RUNX1: variants seen among roughly 807,000 people sequenced by gnomAD.
RUNX1 encodes runt-related transcription factor 1.
Under a neutral mutation model 42.8 loss-of-function variants are expected in RUNX1, and 19 were observed. The ratio of observed to expected loss-of-function variants is 0.44; its 90% CI spans 0.31 to 0.65. The LOEUF is 0.65. Ranked by LOEUF, RUNX1 falls within the 30% of genes least tolerant of loss-of-function variation. The pLI is 0.07. For missense variants in RUNX1, 528 were observed against 672.0 expected (o/e 0.79, Z 2.37); for synonymous variants, 271 against 289.4 (o/e 0.94, Z 0.64).
Position 34,863,550 on chromosome 21 carries a change from C to CTTT in RUNX1, c.509-3975_509-3973dup, listed in dbSNP as rs34743281. 5.2e-3 allele frequency among the ~76,000 whole-genome samples: 562 copies of CTTT among 109,068 alleles called. 9 individuals carry two copies. The highest frequency in any genetic ancestry group is 9.3e-3 in the African/African-American group (245 of 26,428). The allele number at this position is 109,068 out of a possible 152,430, so 71.6% of individuals were successfully genotyped here. A position where few individuals can be genotyped will look rare whatever the true frequency, so the allele number is the denominator to read the frequency against. The stretch of plus-strand genomic sequence containing the variant: ...TGAATTCTCATTATTTCATGCCCAT[C>CTTT]TTTTTTTTTTTTTTTTTTTTTTGAG... On this transcript the variant is annotated intron_variant, in intron 5 of 8. Coordinates refer to ENST00000675419, the MANE Select transcript of RUNX1 (RefSeq NM_001754.5).
At chr21:34,853,814 C>CTT (rs1156576935) in intron 6 of RUNX1, among the ~76,000 whole-genome samples, 1 of 104,510 alleles carries the variant, frequency 9.6e-6, no homozygotes. Flanking sequence ...TTCCTTCCTT[C>CTT]ATTTTTTTTT....
chr21:34,838,506 T>C (rs1274846294), intron 6 of RUNX1, among the ~76,000 whole-genome samples: 2 of 152,240 alleles, frequency 1.3e-5, no homozygotes, highest in Non-Finnish European at 2.9e-5. Context: ...TGTATATACA[T>C]GTATAAAATT....
In RUNX1 at chr21:34,880,581, T is replaced by C. The variant is rs1057519751; in HGVS notation, c.484A>G (p.Arg162Gly). Reference sequence around the variant, plus strand: ...CCTCTTCCACTTCGACCGACAAACCTGAGGTCATTAAATCTTGCAACCTGG... The same window carrying C: ...CCTCTTCCACTTCGACCGACAAACCCGAGGTCATTAAATCTTGCAACCTGG... ...KNQVARFNDL[R>G]FVGRSGRGKS... The change falls in exon 5 of 9, where the codon AGG (arginine) becomes GGG (glycine). Residue 162 changes from arginine to glycine, a missense_variant. Arg to Gly is a moderately radical substitution (Grantham distance 125). Around this residue, in one of 3 missense-constraint regions of RUNX1, gnomAD observed 83 missense variants for 174.5 expected, o/e 0.48. Transcript: ENST00000675419. The C allele has an allele frequency of 6.2e-7, 1 of 1,614,134 alleles. No individual in the cohort carries two copies. Among genetic ancestry groups the C allele is most frequent in the Non-Finnish European group, 8.5e-7 (1 of 1,179,984 alleles).
At chr21:34,859,637 T>A in intron 5 of RUNX1, 59 bp from the exon 6 acceptor site, 1 of 1,269,450 alleles carries the variant, frequency 7.9e-7, no homozygotes, top group Non-Finnish European at 1.2e-6. Flanking sequence ...ACATATCTGT[T>A]GAATAACCAA....
intron 7 of RUNX1, among the ~76,000 whole-genome samples, chr21:34,801,452 C>T (rs1340677734): frequency 6.6e-6 from 1 of 152,230 alleles, no homozygotes; most frequent in African/African-American, 2.4e-5. Flanking sequence ...CATAATATTT[C>T]ACAGCCTTTA....
chr21:35,033,384 C>T (rs1421457827), intron 2 of RUNX1, among the ~76,000 whole-genome samples: 1 of 152,164 alleles, frequency 6.6e-6, no homozygotes, highest in Non-Finnish European at 1.5e-5. Flanking sequence ...AATGAGCATC[C>T]TAGAAGACAT....
At chr21:34,951,847 T>C (rs1266065174) in intron 2 of RUNX1, among the ~76,000 whole-genome samples, 2 of 152,136 alleles carry the variant, frequency 1.3e-5, no homozygotes, top group African/African-American at 4.8e-5. Context: ...GAACTAGAAA[T>C]ACCATTTGAC....
chr21:34,830,636 A>G (rs2057050632), intron 7 of RUNX1, among the ~76,000 whole-genome samples: 1 of 152,198 alleles, frequency 6.6e-6, no homozygotes, highest in African/African-American at 2.4e-5. Flanking sequence ...CTTTGTAGCA[A>G]GGAAGGTCTG....
chr21:34,823,181 A>C (rs1212728752), intron 7 of RUNX1, among the ~76,000 whole-genome samples: 2 of 152,242 alleles, frequency 1.3e-5, no homozygotes, highest in African/African-American at 2.4e-5. Flanking sequence ...GCGCTGACTC[A>C]GCGAGGGCCT....
At chr21:34,859,919 A>G (rs1223964839) in intron 5 of RUNX1, among the ~76,000 whole-genome samples, 3 of 152,250 alleles carry the variant, frequency 2.0e-5, no homozygotes, top group African/African-American at 7.2e-5. Flanking sequence ...CCCTGCTCCC[A>G]TCTTTCCCAA....
chr21:34,936,072 A>G (rs2058482514), intron 2 of RUNX1, among the ~76,000 whole-genome samples: 2 of 152,160 alleles, frequency 1.3e-5, no homozygotes, highest in South Asian at 4.1e-4. Flanking sequence ...GCGGGATAAA[A>G]AGCCAGGAGA....
chr21:34,849,267 T>TTA (rs1555892611), intron 6 of RUNX1, among the ~76,000 whole-genome samples: 1 of 70,572 alleles, frequency 1.4e-5, no homozygotes, highest in East Asian at 4.3e-4. Flanking sequence ...TATATATATA[T>TTA]AATATATATA....
chr21:34,918,252 C>A (rs1301564316), intron 2 of RUNX1, among the ~76,000 whole-genome samples: 1 of 151,908 alleles, frequency 6.6e-6, no homozygotes, highest in Non-Finnish European at 1.5e-5. Context: ...TGGGGGTGCT[C>A]ATGAGATGAG....
At chr21:34,938,876 G>A (rs943942814) in intron 2 of RUNX1, among the ~76,000 whole-genome samples, 4 of 152,106 alleles carry the variant, frequency 2.6e-5, no homozygotes, top group Admixed American at 6.6e-5. Context: ...TAATCTGATG[G>A]TAAAATGTGA....
At position 34,834,482 on chromosome 21, in the gene RUNX1, G is replaced by A. The variant is rs1393294594; in HGVS notation, c.733C>T (p.Pro245Ser). Residue 245 changes from proline to serine, a missense_variant, in exon 7 of 9, where the codon CCC becomes TCC. Around this residue, in one of 3 missense-constraint regions of RUNX1, gnomAD observed 331 missense variants for 382.5 expected, o/e 0.87. Coordinates refer to ENST00000675419, the MANE Select transcript of RUNX1 (RefSeq NM_001754.5). ...AGGGAGGCACGAGGGTTGGGCGTGG[G>A]GGCTGGGTGGTGTGGGCTGACCCTC... is the stretch of plus-strand genomic sequence containing the variant. ...AMRVSPHHPA[P>S]TPNPRASLNH... 4.3e-6 allele frequency: 7 copies of A among 1,613,324 alleles called. No individual in the cohort carries two copies. The highest frequency in any genetic ancestry group is 5.9e-6 in the Non-Finnish European group (7 of 1,179,720).
chr21:34,944,525 T>C (rs926468962), intron 2 of RUNX1, among the ~76,000 whole-genome samples: 1 of 152,204 alleles, frequency 6.6e-6, no homozygotes, highest in Admixed American at 6.5e-5. Context: ...GGTTAAATAT[T>C]GTATTGCTTT....
At chr21:34,849,537 G>T (rs2057387195) in intron 6 of RUNX1, among the ~76,000 whole-genome samples, 1 of 121,784 alleles carries the variant, frequency 8.2e-6, no homozygotes, top group Admixed American at 1.1e-4. Context: ...CAGAATATTT[G>T]GCTATTCATG....
At position 35,045,539 on chromosome 21, in the gene RUNX1, G is replaced by GGGAT. The variant is rs1440055995; in HGVS notation, c.58+3299_58+3302dup. Among the ~76,000 whole-genome samples the GGGAT allele has an allele frequency of 1.1e-4, 16 of 152,194 alleles. No homozygotes were observed. In the South Asian group the frequency reaches 3.3e-3, roughly 32 times the overall value. Reference sequence around the variant, plus strand: ...AGATTAGGATACAGACACACACAGAGGGATAACCATGTGATGAAACAGGGA... The same window carrying GGGAT: ...AGATTAGGATACAGACACACACAGAGGGATGGATAACCATGTGATGAAACAGGGA... On this transcript the variant is annotated intron_variant, in intron 2 of 8. Coordinates refer to ENST00000675419, the MANE Select transcript of RUNX1 (RefSeq NM_001754.5).
intron 7 of RUNX1, among the ~76,000 whole-genome samples, chr21:34,814,099 A>G (rs2834643): frequency 0.42 from 64,113 of 152,032 alleles, 13,579 homozygotes; most frequent in African/African-American, 0.43. Context: ...CTGGTGGGGA[A>G]CACCTTTGCC....
Sources: gnomAD v4.1 joint callset for allele counts (sites outside exome capture counted in the v4.1 genomes callset) on GRCh38, gnomAD v4.1.1 for gene constraint, gnomAD v4.1.1 regional missense constraint, MANE v1.5 for transcripts, NCBI Gene and HGNC (gene_info 2026-07-23, HGNC 2026-07-21) for gene names.